Variants in NR2C2 observed in about 807,000 individuals in gnomAD.
The protein encoded by NR2C2 is Nuclear hormone receptor TR4.
NR2C2 carries 6 observed loss-of-function variants against 62.9 expected under a neutral mutation model. The ratio of observed to expected loss-of-function variants is 0.10; its 90% confidence interval spans 0.05 to 0.19. The LOEUF is 0.19. NR2C2 is among the 10% of genes least tolerant of loss of function. The probability of loss-of-function intolerance (pLI) is 1.00; values close to 1 mark genes in which losing one functional copy is unlikely to be tolerated. For synonymous variants in NR2C2, 272 were observed against 273.8 expected, an observed-to-expected ratio of 0.99 and a Z score of 0.07; for missense variants, 479 against 762.7, an observed-to-expected ratio of 0.63 and a Z score of 4.38.
chr3:15,048,963 CA>C lies in NR2C2; in HGVS notation c.*5956del, dbSNP rs1377275363. 1 of 152,580 alleles carries C rather than the reference CA, an allele frequency of 6.6e-6. No individual in the cohort carries two copies. The highest frequency in any genetic ancestry group is 1.5e-5 in the Non-Finnish European group (1 of 68,046). The allele number at this position is 152,580 out of a possible 1,614,324, so 9.5% of individuals were successfully genotyped here. A position where few individuals can be genotyped will look rare whatever the true frequency, so the allele number is the denominator to read the frequency against. On this transcript the variant is annotated 3_prime_UTR_variant, in exon 14 of 14. Transcript: ENST00000425241. The stretch of plus-strand genomic sequence containing the variant: ...ATAGAAAATATTGGTTTTGCCATTA[CA>C]TTTTAATGCCAGGTTTAAAACCTGT...
rs1380134215 is a variant in NR2C2, at chr3:15,047,946, A to T, written c.*4938A>T. The T allele has an allele frequency of 1.3e-5, 2 of 152,316 alleles. No individual in the cohort carries two copies. Among genetic ancestry groups the T allele is most frequent in the Non-Finnish European group, 2.9e-5 (2 of 68,046 alleles). 9.4% of individuals were successfully genotyped at this position (152,316 alleles called of 1,614,324 possible). On this transcript the variant is annotated 3_prime_UTR_variant, in exon 14 of 14. Coordinates refer to ENST00000425241, the MANE Select transcript of NR2C2 (RefSeq NM_001291694.2). ...TTCCTCGTCCAGGTCTACTCGGACG[A>T]ATTTTCCCCCTTAATCTGGCCTTAA...
rs545427942 is a variant in NR2C2, at chr3:15,038,166, C to T, written c.1510+29C>T. 8.8e-5 allele frequency: 139 copies of T among 1,588,038 alleles called. 1 individual carries two copies. The South Asian group carries it at 1.4e-3, about 17-fold the overall frequency. ...AGATATGCGGTGGGGATGCATGACC[C>T]CTTTCCACCTGTATCTACTGATGTT... is the stretch of plus-strand genomic sequence containing the variant. On this transcript the variant is annotated intron_variant, in intron 12 of 13. Transcript: ENST00000425241.
intron 1 of NR2C2, among the ~76,000 whole-genome samples, chr3:14,960,476 T>C (rs62241826): frequency 0.11 from 17,439 of 152,162 alleles, 1,306 homozygotes; most frequent in African/African-American, 0.21. Flanking sequence ...ACTAGGCCTC[T>C]ATTAAATCAG....
intron 5 of NR2C2, among the ~76,000 whole-genome samples, chr3:15,022,185 C>T (rs2125023983): frequency 6.6e-6 from 1 of 152,310 alleles, no homozygotes; most frequent in Admixed American, 6.5e-5. Flanking sequence ...TCATTTTCTT[C>T]AGTTGCTTCT....
At chr3:14,993,558 T>C (rs947455153) in intron 1 of NR2C2, among the ~76,000 whole-genome samples, 1 of 152,208 alleles carries the variant, frequency 6.6e-6, no homozygotes. Context: ...AAGAATTTCT[T>C]AGCGGTCCCA....
chr3:14,977,062 C>G (rs376592838), intron 1 of NR2C2, among the ~76,000 whole-genome samples: 1 of 151,134 alleles, frequency 6.6e-6, no homozygotes. Flanking sequence ...TAGATAATTT[C>G]TTCCCTCAGT....
chr3:15,032,626 A>AAG (rs1244105150), intron 10 of NR2C2, 126 bp downstream of exon 10: 1 of 1,125,832 alleles, frequency 8.9e-7, no homozygotes, highest in Non-Finnish European at 1.3e-6. Flanking sequence ...AAGGACCCTG[A>AAG]GTTTTTTATT....
intron 1 of NR2C2, among the ~76,000 whole-genome samples, chr3:15,000,820 T>G (rs2040969911): frequency 6.7e-6 from 1 of 150,096 alleles, no homozygotes; most frequent in African/African-American, 2.4e-5. Flanking sequence ...TTAGGTTTTT[T>G]TTTTTTTTTT....
chr3:14,959,956 C>T (rs2039645503), intron 1 of NR2C2, among the ~76,000 whole-genome samples: 1 of 152,076 alleles, frequency 6.6e-6, no homozygotes, highest in Non-Finnish European at 1.5e-5. Context: ...AATCCATTTT[C>T]CAGAACTATT....
At chr3:15,014,605 C>G (rs1053019689) in intron 3 of NR2C2, among the ~76,000 whole-genome samples, 1 of 151,930 alleles carries the variant, frequency 6.6e-6, no homozygotes, top group African/African-American at 2.4e-5. Flanking sequence ...AACTCTTTTC[C>G]TCTTCCTAAG....
chr3:15,018,490 A>G (rs2041576181), intron 4 of NR2C2, among the ~76,000 whole-genome samples: 1 of 152,232 alleles, frequency 6.6e-6, no homozygotes, highest in Non-Finnish European at 1.5e-5. Flanking sequence ...CAAATGGCCG[A>G]GTTATATGAA....
chr3:15,010,320 A>G (rs1190167569), intron 2 of NR2C2, among the ~76,000 whole-genome samples: 2 of 151,868 alleles, frequency 1.3e-5, no homozygotes, highest in African/African-American at 4.8e-5. Flanking sequence ...ATCTCTCTAA[A>G]TGGAGGATAC....
At position 15,043,148 on chromosome 3, in the gene NR2C2, C is replaced by T; in HGVS notation, c.*140C>T. 1 of 670,772 alleles carries T rather than the reference C, an allele frequency of 1.5e-6. No homozygotes were observed. The highest frequency in any genetic ancestry group is 2.2e-6 in the Non-Finnish European group (1 of 445,432). 41.6% of individuals were successfully genotyped at this position (670,772 alleles called of 1,614,324 possible). The stretch of plus-strand genomic sequence containing the variant: ...GTCTGGTTTCTCCTTATCTGTTAAT[C>T]CCAGACAATAGCAATTAAAAGACTA... On this transcript the variant is annotated 3_prime_UTR_variant, in exon 14 of 14. Transcript: ENST00000425241.
intron 1 of NR2C2, among the ~76,000 whole-genome samples, chr3:14,996,284 G>C (rs1657040165): frequency 6.6e-6 from 1 of 152,192 alleles, no homozygotes; most frequent in Admixed American, 6.5e-5. Flanking sequence ...TTTAATTTTT[G>C]TATATGAGTT....
chr3:14,953,643 C>A (rs1252918428), intron 1 of NR2C2, among the ~76,000 whole-genome samples: 1 of 152,134 alleles, frequency 6.6e-6, no homozygotes, highest in African/African-American at 2.4e-5. Flanking sequence ...CCCCTGTAAT[C>A]CCAGCACTTT....
At chr3:14,965,874 A>G (rs1008851985) in intron 1 of NR2C2, among the ~76,000 whole-genome samples, 2 of 152,042 alleles carry the variant, frequency 1.3e-5, no homozygotes, top group East Asian at 1.9e-4. Flanking sequence ...CTTGTTGGCC[A>G]GGCAGGCTGG....
intron 6 of NR2C2, 110 bp downstream of exon 6, chr3:15,023,457 A>G: frequency 7.9e-7 from 1 of 1,270,864 alleles, no homozygotes; most frequent in African/African-American, 1.5e-5. Flanking sequence ...CATAGCCTCC[A>G]GCGTTGTGTT....
intron 1 of NR2C2, among the ~76,000 whole-genome samples, chr3:14,984,729 C>A (rs970420998): frequency 2.0e-5 from 3 of 152,192 alleles, no homozygotes; most frequent in African/African-American, 7.2e-5. Context: ...TTGACTATTA[C>A]AACTAAAGTT....
intron 1 of NR2C2, among the ~76,000 whole-genome samples, chr3:14,966,098 T>C (rs1279205718): frequency 6.6e-6 from 1 of 152,254 alleles, no homozygotes; most frequent in Non-Finnish European, 1.5e-5. Context: ...GCCTACACTT[T>C]ATCATTTTAA....
Sources: gnomAD v4.1 joint callset for allele counts (sites outside exome capture counted in the v4.1 genomes callset) on GRCh38, gnomAD v4.1.1 for gene constraint, MANE v1.5 for transcripts, NCBI Gene and HGNC (gene_info 2026-07-23, HGNC 2026-07-21) for gene names.